Variants in PCDHA6 observed in about 807,000 individuals in gnomAD.
The protein encoded by PCDHA6 is protocadherin alpha-6.
Under a neutral mutation model 60.3 loss-of-function variants are expected in PCDHA6, and 55 were observed. The ratio of observed to expected loss-of-function variants is 0.91; its 90% CI spans 0.73 to 1.14. The LOEUF is 1.14. Among genes scored for constraint, PCDHA6 ranks in the 50% most tolerant of loss-of-function variants. PCDHA6 has a pLI of 0.00. For missense variants in PCDHA6, 1,327 were observed against 1,256.5 expected (o/e 1.06, Z -0.85); for synonymous variants, 652 against 557.9 (o/e 1.17, Z -2.38).
intron 1 of PCDHA6, among the ~76,000 whole-genome samples, chr5:140,903,758 T>TCCACCAAAGCCCAGTAATAGGCCAAGA (rs2070567163): frequency 6.6e-6 from 1 of 152,218 alleles, no homozygotes; most frequent in Non-Finnish European, 1.5e-5. Flanking sequence ...CCTTGATTTT[T>TCCACCAAAGCCCAGTAATAGGCCAAGA]GCTGAACTTT....
rs369720251 is a variant in PCDHA6 at position 140,883,769 on chromosome 5, G to A, written c.2394+53284G>A. 9.3e-6 allele frequency: 15 copies of A among 1,612,378 alleles called. No homozygotes were observed. The South Asian group carries it at 1.2e-4, about 13-fold the overall frequency. On this transcript the variant is annotated intron_variant, in intron 1 of 3. Transcript: ENST00000529310. ...CTCGCTGGTGGAGCGGCGGGTGGGC[G>A]AGCGTGCGCTGTCGAGCTACGTGTC...
chr5:140,846,028 T>C (rs1415683647), intron 1 of PCDHA6, among the ~76,000 whole-genome samples: 1 of 149,754 alleles, frequency 6.7e-6, no homozygotes, highest in Non-Finnish European at 1.5e-5. Flanking sequence ...ATTACGAGTT[T>C]AGGAAAGTCA....
chr5:140,849,915 A>T (rs1554143492), intron 1 of PCDHA6: 3 of 1,598,260 alleles, frequency 1.9e-6, no homozygotes, highest in Non-Finnish European at 8.6e-7. Context: ...GGGCTGCCAC[A>T]TCTTCACGGT....
At chr5:140,985,067 A>C (rs2153836144) in intron 3 of PCDHA6, among the ~76,000 whole-genome samples, 1 of 152,116 alleles carries the variant, frequency 6.6e-6, no homozygotes, top group East Asian at 1.9e-4. Flanking sequence ...CCTCCTGAGT[A>C]GCTGAGACTA....
chr5:140,967,831 C>T (rs2153762943), intron 1 of PCDHA6: 1 of 1,614,130 alleles, frequency 6.2e-7, no homozygotes, highest in Admixed American at 1.7e-5. Flanking sequence ...TGGTGGACAT[C>T]GTGGACGTGA....
chr5:140,941,241 T>TTCTTTCTTTC (rs2092943774), intron 1 of PCDHA6, among the ~76,000 whole-genome samples: 1 of 140,458 alleles, frequency 7.1e-6, no homozygotes, highest in African/African-American at 2.7e-5. Flanking sequence ...CTTTCTTTCT[T>TTCTTTCTTTC]TCTTTCTTTC....
chr5:140,917,039 A>G (rs1279228933), intron 1 of PCDHA6, among the ~76,000 whole-genome samples: 1 of 152,132 alleles, frequency 6.6e-6, no homozygotes, highest in African/African-American at 2.4e-5. Flanking sequence ...TGAGTCCAGC[A>G]CAGTGTTGTT....
At chr5:140,883,763 G>T (rs782611304) in intron 1 of PCDHA6, 4 of 1,612,740 alleles carry the variant, frequency 2.5e-6, no homozygotes, top group Non-Finnish European at 3.4e-6. Flanking sequence ...GGAGCGGCGG[G>T]TGGGCGAGCG....
chr5:140,967,026 C>G, intron 1 of PCDHA6: 2 of 1,608,434 alleles, frequency 1.2e-6, no homozygotes, highest in East Asian at 4.5e-5. Flanking sequence ...GCGCCCAGTC[C>G]GCGCTACCTG....
chr5:140,830,290 G>C lies in PCDHA6; in HGVS notation c.2199G>C (p.Thr733=), dbSNP rs2150184535. The change falls in exon 1 of 4, where the codon ACG becomes ACC. Residue 733 remains threonine (T), a synonymous_variant. Transcript: ENST00000529310. ...CSAPPTEGAC[T]ADKPTLVCSS... Reference sequence around the variant, plus strand: ...CGCCACCCACCGAGGGCGCGTGCACGGCGGACAAGCCCACGCTGGTGTGCT... The same window carrying C: ...CGCCACCCACCGAGGGCGCGTGCACCGCGGACAAGCCCACGCTGGTGTGCT... 10 of 1,613,848 alleles carry C rather than the reference G, an allele frequency of 6.2e-6. No homozygotes were observed. In the African/African-American group the frequency reaches 9.3e-5, roughly 15 times the overall value.
At chr5:140,861,734 A>G in intron 1 of PCDHA6, 1 of 190,940 alleles carries the variant, frequency 5.2e-6, no homozygotes, top group Non-Finnish European at 1.1e-5. Flanking sequence ...GATGACTTAC[A>G]TACTGTGCCG....
At position 140,830,174 on chromosome 5, in the gene PCDHA6, G is replaced by C; in HGVS notation, c.2083G>C (p.Asp695His). ...GAAGPEAALV[D>H]VNVYLIIAIC... ...CGCGGGCCCAGAGGCGGCGCTGGTGGATGTCAACGTGTACCTGATCATCGC... is the reference window on the plus strand; with the variant it reads ...CGCGGGCCCAGAGGCGGCGCTGGTGCATGTCAACGTGTACCTGATCATCGC... The change falls in exon 1 of 4, where the codon GAT becomes CAT. Residue 695 changes from aspartate to histidine, a missense_variant. By Grantham distance (81) the Asp-to-His change is moderately conservative. Transcript: ENST00000529310. 1 of 1,613,632 alleles carries C rather than the reference G, an allele frequency of 6.2e-7. No individual in the cohort carries two copies. The highest frequency in any genetic ancestry group is 8.5e-7 in the Non-Finnish European group (1 of 1,179,884).
At chr5:140,839,920 T>G (rs1182223530) in intron 1 of PCDHA6, among the ~76,000 whole-genome samples, 1 of 151,984 alleles carries the variant, frequency 6.6e-6, no homozygotes, top group Non-Finnish European at 1.5e-5. Context: ...AGAAAAACCT[T>G]GAACAAAGAG....
intron 3 of PCDHA6, among the ~76,000 whole-genome samples, chr5:140,995,889 A>G (rs1007675217): frequency 1.3e-5 from 2 of 152,202 alleles, no homozygotes; most frequent in African/African-American, 4.8e-5. Context: ...CTTCAGATTT[A>G]TCAATGTATA....
intron 1 of PCDHA6, among the ~76,000 whole-genome samples, chr5:140,895,594 T>C (rs2065067713): frequency 6.6e-6 from 1 of 152,228 alleles, no homozygotes; most frequent in Admixed American, 6.5e-5. Flanking sequence ...GATATATAAT[T>C]TGCAAAGATT....
intron 3 of PCDHA6, among the ~76,000 whole-genome samples, chr5:141,002,289 G>A (rs1468757497): frequency 1.3e-5 from 2 of 152,204 alleles, no homozygotes; most frequent in East Asian, 3.8e-4. Flanking sequence ...GGATGAATGG[G>A]GAGCAAAGGG....
In PCDHA6 at chr5:140,854,965, C is replaced by T. The variant is rs951485051; in HGVS notation, c.2394+24480C>T. Among the ~76,000 whole-genome samples the T allele has an allele frequency of 4.0e-5, 6 of 149,774 alleles. 1 individual carries two copies. Among genetic ancestry groups the T allele is most frequent in the African/African-American group, 1.5e-4 (6 of 40,950 alleles). ...TAATAAATTTCTTAATTACTTTATT[C>T]AGAATTATAATTAAGATTCTTTTTG... On this transcript the variant is annotated intron_variant, in intron 1 of 3. Coordinates refer to ENST00000529310, the MANE Select transcript of PCDHA6 (RefSeq NM_018909.4).
At chr5:140,947,010 A>C (rs924112965) in intron 1 of PCDHA6, among the ~76,000 whole-genome samples, 7 of 151,752 alleles carry the variant, frequency 4.6e-5, no homozygotes, top group African/African-American at 1.4e-4. Flanking sequence ...AGAAATGATA[A>C]ATGTTTGAGG....
At chr5:140,871,075 C>A in intron 1 of PCDHA6, 1 of 1,613,242 alleles carries the variant, frequency 6.2e-7, no homozygotes. Context: ...TGAGCCGGCG[C>A]TGACGGCCAC....
Sources: gnomAD v4.1 joint callset for allele counts (sites outside exome capture counted in the v4.1 genomes callset) on GRCh38, gnomAD v4.1.1 for gene constraint, MANE v1.5 for transcripts, NCBI Gene and HGNC (gene_info 2026-07-23, HGNC 2026-07-21) for gene names.